The following EMILIN2 variants were observed in gnomAD, a reference collection of about 807,000 sequenced individuals.
EMILIN2 encodes EMILIN-2.
EMILIN2 carries 71 observed loss-of-function variants against 87.1 expected under a neutral mutation model. The observed-to-expected ratio is 0.82, with a 90% CI of 0.67 to 0.99. The LOEUF is 0.99. Among genes scored for constraint, EMILIN2 ranks in the 50% least tolerant of loss-of-function variants. The pLI, the probability that EMILIN2 is intolerant of heterozygous loss-of-function variation, is 0.00. For missense variants in EMILIN2, 1,407 were observed against 1,371.8 expected, an observed-to-expected ratio of 1.03 and a Z score of -0.40; for synonymous variants, 581 against 563.4, an observed-to-expected ratio of 1.03 and a Z score of -0.44.
At chr18:2,888,351 T>C (rs533482529) in intron 3 of EMILIN2, among the ~76,000 whole-genome samples, 3 of 152,332 alleles carry the variant, frequency 2.0e-5, no homozygotes, top group South Asian at 4.1e-4. Context: ...CCTTTGTTTT[T>C]ATTTCCTTTG....
intron 4 of EMILIN2, among the ~76,000 whole-genome samples, chr18:2,895,186 C>T (rs1166462703): frequency 1.3e-5 from 2 of 151,906 alleles, no homozygotes; most frequent in Non-Finnish European, 1.5e-5. Flanking sequence ...CATGAGCCAC[C>T]TTGAGTGTTC....
intron 3 of EMILIN2, among the ~76,000 whole-genome samples, chr18:2,885,515 G>T (rs890075004): frequency 2.0e-5 from 3 of 152,054 alleles, no homozygotes; most frequent in African/African-American, 7.2e-5. Context: ...GGTTAAAATT[G>T]TTTTTTATTT....
In EMILIN2 at chr18:2,892,262, C is replaced by T. The variant is rs1189074392; in HGVS notation, c.2135C>T (p.Thr712Ile). Residue 712 changes from threonine (T) to isoleucine (I), a missense_variant, in exon 4 of 8, where the codon ACT becomes ATT. By Grantham distance (89) the Thr-to-Ile change is moderately conservative (BLOSUM62 -1). Transcript: ENST00000254528. ...GGCAGGGTGTCTCATATGGAGAAAACTTGCAGCAAGCTGGACTCTATCTCA... is the reference window on the plus strand; with the variant it reads ...GGCAGGGTGTCTCATATGGAGAAAATTTGCAGCAAGCTGGACTCTATCTCA... ...VEGRVSHMEK[T>I]CSKLDSISGN... The T allele has an allele frequency of 6.8e-6, 11 of 1,613,978 alleles. No individual in the cohort carries two copies. The highest frequency in any genetic ancestry group is 2.2e-5 in the South Asian group (2 of 91,078).
At chr18:2,912,051 TTTTTTC>T in intron 7 of EMILIN2, among the ~76,000 whole-genome samples, 1 of 149,134 alleles carries the variant, frequency 6.7e-6, no homozygotes, top group African/African-American at 2.5e-5. Flanking sequence ...TTTTTTTTTT[TTTTTTC>T]TGAGACAGTC....
In EMILIN2 at chr18:2,868,473, A is replaced by G. The variant is rs572100318; in HGVS notation, c.258-16491A>G. On this transcript the variant is annotated intron_variant, in intron 2 of 7. Transcript: ENST00000254528. Reference sequence around the variant, plus strand: ...GGCTGGGAGGTGGTTGCAGCCAGCCAAGATCACACCACTGCACTCCAGCCT... The same window carrying G: ...GGCTGGGAGGTGGTTGCAGCCAGCCGAGATCACACCACTGCACTCCAGCCT... 1.2e-4 allele frequency among the ~76,000 whole-genome samples: 18 copies of G among 152,322 alleles called. No homozygotes were observed. The South Asian group carries it at 2.1e-3, about 18-fold the overall frequency.
chr18:2,858,577 G>GTATATATATATATATATATA (rs1389867922), intron 2 of EMILIN2, among the ~76,000 whole-genome samples: 2 of 64,950 alleles, frequency 3.1e-5, no homozygotes, highest in Non-Finnish European at 5.3e-5. Context: ...ATATGTGTGT[G>GTATATATATATATATATATA]TGTGTGTATA....
chr18:2,883,190 C>T (rs770922243), intron 2 of EMILIN2, among the ~76,000 whole-genome samples: 1 of 151,262 alleles, frequency 6.6e-6, no homozygotes, highest in Non-Finnish European at 1.5e-5. Flanking sequence ...GGATCCTATA[C>T]CCAGAGTGTA....
intron 2 of EMILIN2, among the ~76,000 whole-genome samples, chr18:2,856,141 G>C (rs2076626022): frequency 2.0e-5 from 3 of 152,182 alleles, no homozygotes; most frequent in African/African-American, 7.2e-5. Context: ...TCGGGAGGCT[G>C]AGGCGGGAGG....
intron 2 of EMILIN2, among the ~76,000 whole-genome samples, chr18:2,869,786 T>TTTGTGTGTGTG (rs1555666537): frequency 5.1e-5 from 3 of 59,160 alleles, no homozygotes; most frequent in South Asian, 7.8e-4. Context: ...GTGTGTGTGT[T>TTTGTGTGTGTG]TGTGTGTGTG....
chr18:2,861,590 A>G (rs562810044), intron 2 of EMILIN2, among the ~76,000 whole-genome samples: 1 of 152,212 alleles, frequency 6.6e-6, no homozygotes, highest in African/African-American at 2.4e-5. Flanking sequence ...CCATTGGTCT[A>G]TATCTCTGTT....
At chr18:2,876,929 A>G (rs1293370166) in intron 2 of EMILIN2, among the ~76,000 whole-genome samples, 1 of 152,220 alleles carries the variant, frequency 6.6e-6, no homozygotes, top group Non-Finnish European at 1.5e-5. Context: ...GGCCAAGTGA[A>G]ATATTTCACA....
chr18:2,888,571 C>T (rs145390630), intron 3 of EMILIN2, among the ~76,000 whole-genome samples: 6,216 of 151,842 alleles, frequency 0.041, 152 homozygotes, highest in Middle Eastern at 0.11. Flanking sequence ...AAAAATTAGC[C>T]GGGCATGGTG....
At chr18:2,909,617 C>G in intron 6 of EMILIN2, 74 bp from the exon 7 acceptor site, 1 of 1,569,182 alleles carries the variant, frequency 6.4e-7, no homozygotes, top group Admixed American at 2.0e-5. Flanking sequence ...GCACGTAGGC[C>G]TCAGTTTTCC....
Position 2,892,417 on chromosome 18 carries a change from C to G in EMILIN2, c.2290C>G (p.Gln764Glu). Residue 764 changes from glutamine (Q) to glutamate (E), a missense_variant, in exon 4 of 8, where the codon CAG becomes GAG. Physicochemically the swap from Gln to Glu is conservative, Grantham distance 29. Transcript: ENST00000254528. Reference protein sequence around the residue: ...DISGLKNSVQQFYSHVFQIST... With the variant: ...DISGLKNSVQEFYSHVFQIST... ...TTCTGGCCTGAAGAATTCAGTCCAG[C>G]AGTTCTACAGCCACGTCTTCCAGAT... The G allele has an allele frequency of 6.2e-7, 1 of 1,613,688 alleles. No individual in the cohort carries two copies. Among genetic ancestry groups the G allele is most frequent in the South Asian group, 1.1e-5 (1 of 91,078 alleles).
In EMILIN2 at chr18:2,847,240, G is replaced by A; in HGVS notation, c.52G>A (p.Ala18Thr). ...CCGCGTGCCCTGGCGCTGGGCGCTG[G>A]CGCTGCTGGCCCTGGTTGGCGCGGG... ...WPRVPWRWAL[A>T]LLALVGAGLC... Residue 18 changes from alanine (A) to threonine (T), a missense_variant, in exon 1 of 8, where the codon GCG becomes ACG. Coordinates refer to ENST00000254528, the MANE Select transcript of EMILIN2 (RefSeq NM_032048.3). The surrounding 1 kb of genome is among the most constrained non-coding windows in gnomAD (Gnocchi z 4.5). 1 of 1,272,130 alleles carries A rather than the reference G, an allele frequency of 7.9e-7. No homozygotes were observed. Among genetic ancestry groups the A allele is most frequent in the Non-Finnish European group, 9.9e-7 (1 of 1,011,028 alleles). 78.8% of individuals were successfully genotyped at this position (1,272,130 alleles called of 1,614,324 possible). A position where few individuals can be genotyped will look rare whatever the true frequency, so the allele number is the denominator to read the frequency against.
intron 4 of EMILIN2, among the ~76,000 whole-genome samples, chr18:2,895,688 G>A (rs960875251): frequency 1.3e-5 from 2 of 152,168 alleles, no homozygotes; most frequent in Non-Finnish European, 2.9e-5. Flanking sequence ...ACAGCATGGC[G>A]GTGTCAAGTA....
intron 2 of EMILIN2, among the ~76,000 whole-genome samples, chr18:2,875,697 C>T (rs1227237814): frequency 6.6e-6 from 1 of 152,216 alleles, no homozygotes; most frequent in Non-Finnish European, 1.5e-5. Flanking sequence ...TGGGCGCAGC[C>T]TGCAGTTGGA....
Position 2,891,899 on chromosome 18 carries a change from A to G in EMILIN2, c.1772A>G (p.His591Arg). The change falls in exon 4 of 8, where the codon CAC becomes CGC. Residue 591 changes from histidine to arginine, a missense_variant. Physicochemically the swap from His to Arg is conservative, Grantham distance 29 (BLOSUM62 0). Coordinates refer to ENST00000254528, the MANE Select transcript of EMILIN2 (RefSeq NM_032048.3). The surrounding 1 kb of genome is among the most constrained non-coding windows in gnomAD (Gnocchi z 4.6). ...TTGAAATCTCTCAACGACACGATGC[A>G]CAGGAAGTTTCAAGAAACCGAACAA... The part of the protein sequence containing the change: ...HLLKSLNDTM[H>R]RKFQETEQTI... The G allele has an allele frequency of 6.2e-7, 1 of 1,614,248 alleles. No homozygotes were observed. The highest frequency in any genetic ancestry group is 8.5e-7 in the Non-Finnish European group (1 of 1,180,040).
At chr18:2,867,029 G>A (rs1328008463) in intron 2 of EMILIN2, among the ~76,000 whole-genome samples, 1 of 152,172 alleles carries the variant, frequency 6.6e-6, no homozygotes, top group Non-Finnish European at 1.5e-5. Flanking sequence ...AACCATCCCT[G>A]CATCCCTGGT....
Sources: gnomAD v4.1 joint callset for allele counts (sites outside exome capture counted in the v4.1 genomes callset) on GRCh38, gnomAD v4.1.1 for gene constraint, Gnocchi (gnomAD v3.1) non-coding constraint, MANE v1.5 for transcripts, NCBI Gene and HGNC (gene_info 2026-07-23, HGNC 2026-07-21) for gene names.